Variants in TENM3 observed in about 807,000 individuals in gnomAD.
The protein encoded by TENM3 is teneurin-3.
TENM3 carries 63 observed loss-of-function variants against 255.1 expected under a neutral mutation model. That is an observed-to-expected ratio of 0.25 (90% CI 0.20 to 0.30). The LOEUF is 0.30. Among genes scored for constraint, TENM3 ranks in the 10% least tolerant of loss-of-function variants. TENM3 has a pLI of 1.00. For missense variants in TENM3, 2,929 were observed against 3,461.1 expected, an observed-to-expected ratio of 0.85 and a Z score of 3.86; for synonymous variants, 1,306 against 1,322.3, an observed-to-expected ratio of 0.99 and a Z score of 0.27.
intron 16 of TENM3, among the ~76,000 whole-genome samples, chr4:182,732,727 A>G (rs1760870472): frequency 6.6e-6 from 1 of 152,160 alleles, no homozygotes; most frequent in South Asian, 2.1e-4. Flanking sequence ...CTCAGGATGC[A>G]GAGGTGGGAG....
intron 3 of TENM3, among the ~76,000 whole-genome samples, chr4:182,476,330 A>G (rs769724661): frequency 1.2e-4 from 19 of 152,182 alleles, no homozygotes; most frequent in Non-Finnish European, 2.5e-4. Flanking sequence ...GGCAGTGGTT[A>G]TGTGTATGAC....
the TENM3 span, among the ~76,000 whole-genome samples, chr4:181,456,879 T>C: frequency 7.1e-6 from 1 of 140,136 alleles, no homozygotes; most frequent in Non-Finnish European, 1.6e-5. Context: ...AAAATTTAAT[T>C]AAGAACTATC....
At chr4:181,798,729 T>C in the TENM3 span, among the ~76,000 whole-genome samples, 244 of 152,346 alleles carry the variant, frequency 1.6e-3, no homozygotes, top group Non-Finnish European at 2.4e-3. Flanking sequence ...GGTTAGTATA[T>C]ATTATGTTGC....
intron 4 of TENM3, among the ~76,000 whole-genome samples, chr4:182,614,497 T>C (rs976147254): frequency 6.6e-6 from 1 of 152,182 alleles, no homozygotes; most frequent in African/African-American, 2.4e-5. Flanking sequence ...TATGAGTATG[T>C]TTTATTACTT....
chr4:182,119,924 A>T, the TENM3 span, among the ~76,000 whole-genome samples: 1 of 151,460 alleles, frequency 6.6e-6, no homozygotes, highest in Non-Finnish European at 1.5e-5. Context: ...CTGGTCTCAA[A>T]CTCCTAGACT....
At chr4:182,768,917 AT>A (rs770003143) in intron 22 of TENM3, among the ~76,000 whole-genome samples, 18 of 152,168 alleles carry the variant, frequency 1.2e-4, no homozygotes, top group Non-Finnish European at 2.4e-4. Context: ...TGTGTTATGA[AT>A]TTGAAACCAT....
At chr4:182,147,004 A>C (rs558555288) in intron 1 of TENM3, among the ~76,000 whole-genome samples, 10 of 152,312 alleles carry the variant, frequency 6.6e-5, no homozygotes, top group African/African-American at 2.4e-4. Context: ...AAGACAAAGA[A>C]AGATAAGGAT....
At chr4:182,706,861 G>A (rs1357086689) in intron 12 of TENM3, among the ~76,000 whole-genome samples, 1 of 151,872 alleles carries the variant, frequency 6.6e-6, no homozygotes, top group Non-Finnish European at 1.5e-5. Flanking sequence ...GGCCGAGGTG[G>A]GAGGATCACC....
the TENM3 span, among the ~76,000 whole-genome samples, chr4:181,974,771 C>A: frequency 6.6e-6 from 1 of 152,114 alleles, no homozygotes; most frequent in Admixed American, 6.5e-5. Flanking sequence ...CTTACTTCTT[C>A]CCCCACCCTC....
intron 3 of TENM3, among the ~76,000 whole-genome samples, chr4:182,378,032 T>TA (rs1347705551): frequency 2.6e-5 from 4 of 152,228 alleles, no homozygotes; most frequent in Non-Finnish European, 1.5e-5. Context: ...ATGTGGAGGA[T>TA]ACGGAGGGAA....
chr4:181,485,138 C>T, the TENM3 span, among the ~76,000 whole-genome samples: 85 of 152,252 alleles, frequency 5.6e-4, no homozygotes, highest in African/African-American at 1.9e-3. Context: ...ACATAAGTGT[C>T]AATCATTGAC....
At chr4:181,980,118 T>C in the TENM3 span, 1 of 152,240 alleles carries the variant, frequency 6.6e-6, no homozygotes, top group Non-Finnish European at 1.5e-5. Flanking sequence ...AGTAACTTAT[T>C]TGGCTTGAAG....
the TENM3 span, among the ~76,000 whole-genome samples, chr4:182,107,147 AACATAC>A: frequency 9.8e-6 from 1 of 102,276 alleles, no homozygotes; most frequent in African/African-American, 4.1e-5. Flanking sequence ...GGTGAAACAG[AACATAC>A]ACACACACAC....
intron 3 of TENM3, among the ~76,000 whole-genome samples, chr4:182,388,817 C>A (rs984529294): frequency 2.0e-5 from 3 of 152,120 alleles, no homozygotes; most frequent in Admixed American, 2.0e-4. Flanking sequence ...TCACAAACAC[C>A]AGAATCATTT....
chr4:182,202,299 C>CTTTTTTTT (rs773698031), intron 1 of TENM3, among the ~76,000 whole-genome samples: 1 of 100,608 alleles, frequency 9.9e-6, no homozygotes, highest in Non-Finnish European at 2.0e-5. Flanking sequence ...GTGCACTGCA[C>CTTTTTTTT]TTTTTTTTTT....
the TENM3 span, among the ~76,000 whole-genome samples, chr4:181,448,768 G>T: frequency 3.9e-5 from 6 of 152,130 alleles, no homozygotes; most frequent in Non-Finnish European, 2.9e-5. Flanking sequence ...TGGTGATTAT[G>T]AATATATTAC....
intron 3 of TENM3, among the ~76,000 whole-genome samples, chr4:182,389,446 G>A (rs1009922695): frequency 6.7e-6 from 1 of 149,848 alleles, no homozygotes; most frequent in Non-Finnish European, 1.5e-5. Context: ...CAGAGCTAAA[G>A]TAATTCCGAA....
the TENM3 span, among the ~76,000 whole-genome samples, chr4:181,514,882 C>A: frequency 1.3e-5 from 2 of 152,174 alleles, no homozygotes; most frequent in Admixed American, 1.3e-4. Context: ...AGGCATTTCC[C>A]ATATATTACA....
chr4:182,238,864 A>G (rs987453397), upstream of TENM3, among the ~76,000 whole-genome samples: 2 of 152,150 alleles, frequency 1.3e-5, 1 homozygote, highest in Non-Finnish European at 2.9e-5. Context: ...TACCGCGGTG[A>G]CTCATTCATA....
Sources: allele counts gnomAD v4.1 joint callset (sites outside exome capture counted in the v4.1 genomes callset), GRCh38; gene constraint gnomAD v4.1.1; transcripts MANE v1.5; gene names NCBI Gene and HGNC (gene_info 2026-07-23, HGNC 2026-07-21).